Variants in SYNE1 observed in about 807,000 individuals in gnomAD.
The protein encoded by SYNE1 is spectrin repeat containing nuclear envelope protein 1.
Under a neutral mutation model 1,111.0 loss-of-function variants are expected in SYNE1, and 616 were observed. The observed-to-expected ratio is 0.55, with a 90% CI of 0.52 to 0.59. SYNE1 has a LOEUF of 0.59. Among genes scored for constraint, SYNE1 ranks in the 20% least tolerant of loss-of-function variants. The pLI, the probability that SYNE1 is intolerant of heterozygous loss-of-function variation, is 0.00. For synonymous variants in SYNE1, 3,855 were observed against 3,825.8 expected (o/e 1.01, Z -0.28); for missense variants, 10,006 against 10,417.0 (o/e 0.96, Z 1.72).
Position 152,294,071 on chromosome 6 carries a change from T to G in SYNE1, c.17739A>C (p.Lys5913Asn). Residue 5913 changes from lysine to asparagine, a missense_variant, in exon 94 of 146, where the codon AAA (lysine) becomes AAC (asparagine). By Grantham distance (94) the Lys-to-Asn change is moderately conservative (BLOSUM62 0). Around this residue, in one of 7 missense-constraint regions of SYNE1, gnomAD observed 4,955 missense variants for 5,017.2 expected, o/e 0.99. Transcript: ENST00000367255. ...GGGATGCGGATGTGCTGGGGTGAAT[T>G]TTTGCAGCATCTGTCTGCAACCTCT... ...SAERLQTDAA[K>N]IHPSTSASQE... 1.9e-6 allele frequency: 3 copies of G among 1,613,902 alleles called. No homozygotes were observed. Among genetic ancestry groups the G allele is most frequent in the Non-Finnish European group, 2.5e-6 (3 of 1,179,998 alleles).
chr6:152,544,429 T>C (rs1416956891), intron 3 of SYNE1, among the ~76,000 whole-genome samples: 1 of 152,144 alleles, frequency 6.6e-6, no homozygotes, highest in African/African-American at 2.4e-5. Context: ...TCACATTGCT[T>C]GTATTTCAAA....
chr6:152,600,212 C>A (rs1353817453), intron 3 of SYNE1, among the ~76,000 whole-genome samples: 1 of 152,054 alleles, frequency 6.6e-6, no homozygotes, highest in Non-Finnish European at 1.5e-5. Context: ...GGTGACGAAA[C>A]AAAACAACAG....
At chr6:152,249,130 T>C (rs2088339343) in intron 105 of SYNE1, 31 bp downstream of exon 105, 1 of 1,410,794 alleles carries the variant, frequency 7.1e-7, no homozygotes. Flanking sequence ...TCTATGCATT[T>C]TCTCTTCTAG....
intron 145 of SYNE1, chr6:152,125,480 C>T: frequency 3.2e-6 from 4 of 1,237,614 alleles, no homozygotes; most frequent in Non-Finnish European, 4.3e-6. Flanking sequence ...TCAGTTTTCT[C>T]ATTTGCAATG....
intron 64 of SYNE1, among the ~76,000 whole-genome samples, 155 bp from the exon 65 acceptor site, chr6:152,359,613 TGTGTGTGAATGCATGG>T (rs1223789323): frequency 6.6e-6 from 1 of 150,680 alleles, no homozygotes; most frequent in Non-Finnish European, 1.5e-5. Flanking sequence ...GACACAGATA[TGTGTGTGAATGCATGG>T]GTGTGTGTGT....
At chr6:152,628,189 C>A in intron 3 of SYNE1, 76 bp downstream of exon 3, 1 of 1,522,562 alleles carries the variant, frequency 6.6e-7, no homozygotes. Context: ...TTGAGTAAAA[C>A]CCCAAACAAA....
In SYNE1 at chr6:152,220,922, G is replaced by T. The variant is rs138032057; in HGVS notation, c.21781C>A (p.Arg7261=). 332 of 1,614,108 alleles carry T rather than the reference G, an allele frequency of 2.1e-4. 1 individual carries two copies. The African/African-American group carries it at 3.8e-3, about 18-fold the overall frequency. ...GCTGCCTTCAACAGCTCATTGGTTC[G>T]ATCCTCCTGCTGCTGAACTGTCGAA... ...CASTVQQQED[R]TNELLKAATN... The change falls in exon 119 of 146, where the codon CGA becomes AGA. Residue 7261 remains arginine, a synonymous_variant. Transcript: ENST00000367255.
chr6:152,590,712 G>T (rs558500693), intron 3 of SYNE1, among the ~76,000 whole-genome samples: 7 of 152,144 alleles, frequency 4.6e-5, no homozygotes, highest in African/African-American at 9.6e-5. Flanking sequence ...TTACCTTAAG[G>T]TTTCCCACCT....
chr6:152,191,225 T>C (rs1047216632), intron 127 of SYNE1, among the ~76,000 whole-genome samples: 37 of 131,440 alleles, frequency 2.8e-4, no homozygotes, highest in African/African-American at 1.1e-3. Flanking sequence ...TATTGTTCTA[T>C]AATTTTCCTT....
rs146316647 is a variant in SYNE1 at position 152,256,783 on chromosome 6, C to A, written c.18973-18G>T. The A allele has an allele frequency of 6.5e-5, 105 of 1,612,750 alleles. No individual in the cohort carries two copies. In the African/African-American group the frequency reaches 1.3e-3, roughly 20 times the overall value. On this transcript the variant is annotated intron_variant, in intron 101 of 145. Coordinates refer to ENST00000367255, the MANE Select transcript of SYNE1 (RefSeq NM_182961.4). ...CTATAAAGCTGTAGGCAAACAAAGG[C>A]AGCTTGTTGAAGAGCATATGCATTA...
At chr6:152,282,822 C>T (rs1393696363) in intron 96 of SYNE1, among the ~76,000 whole-genome samples, 2 of 151,838 alleles carry the variant, frequency 1.3e-5, no homozygotes, top group South Asian at 2.1e-4. Context: ...TGATTTTTGC[C>T]GTTACTTTTG....
chr6:152,490,867 T>C (rs2098966675), intron 11 of SYNE1, among the ~76,000 whole-genome samples: 1 of 152,188 alleles, frequency 6.6e-6, no homozygotes. Flanking sequence ...AGGAACATCT[T>C]ACCAATTTCA....
intron 11 of SYNE1, among the ~76,000 whole-genome samples, chr6:152,489,424 T>C (rs2098958153): frequency 1.3e-5 from 2 of 151,156 alleles, no homozygotes; most frequent in South Asian, 4.2e-4. Flanking sequence ...AATTCTGGCT[T>C]TGCCATGCAT....
intron 32 of SYNE1, among the ~76,000 whole-genome samples, chr6:152,440,841 C>A (rs766068353): frequency 5.3e-5 from 8 of 152,020 alleles, no homozygotes; most frequent in Non-Finnish European, 1.2e-4. Context: ...GCTGGGATTA[C>A]AGGAGTTGAG....
chr6:152,564,516 CA>C (rs1270587769), intron 3 of SYNE1, among the ~76,000 whole-genome samples: 2 of 152,034 alleles, frequency 1.3e-5, no homozygotes, highest in African/African-American at 4.8e-5. Context: ...GGGGTTTTGC[CA>C]TGTTGCCTAG....
At chr6:152,181,210 G>A (rs560291325) in intron 128 of SYNE1, among the ~76,000 whole-genome samples, 121 of 80,198 alleles carry the variant, frequency 1.5e-3, no homozygotes, top group Non-Finnish European at 2.8e-3. Flanking sequence ...TCAGGAGTTC[G>A]AAACCTGCGT....
chr6:152,220,472 T>A lies in SYNE1; in HGVS notation c.21861+370A>T, dbSNP rs543230637. On this transcript the variant is annotated intron_variant, in intron 119 of 145. Transcript: ENST00000367255. The stretch of plus-strand genomic sequence containing the variant: ...GTGTAGATGCTTACATAGGAGTTAA[T>A]GAATGTAAATGGACAACATCTGGAA... Among the ~76,000 whole-genome samples, 6 of 151,532 alleles carry A rather than the reference T, an allele frequency of 4.0e-5. No individual in the cohort carries two copies. The East Asian group carries it at 1.2e-3, about 29-fold the overall frequency.
At chr6:152,348,758 T>C (rs1326141825) in intron 72 of SYNE1, among the ~76,000 whole-genome samples, 1 of 149,240 alleles carries the variant, frequency 6.7e-6, no homozygotes, top group Non-Finnish European at 1.5e-5. Flanking sequence ...TTTTTTTTTT[T>C]CCTGTTATAT....
intron 40 of SYNE1, among the ~76,000 whole-genome samples, chr6:152,418,039 T>C (rs1409134463): frequency 8.5e-5 from 13 of 152,186 alleles, no homozygotes; most frequent in Non-Finnish European, 1.5e-5. Context: ...AAATAGAAAT[T>C]ATCACCTATC....
Sources: gnomAD v4.1 joint callset for allele counts (sites outside exome capture counted in the v4.1 genomes callset) on GRCh38, gnomAD v4.1.1 for gene constraint, gnomAD v4.1.1 regional missense constraint, MANE v1.5 for transcripts, NCBI Gene and HGNC (gene_info 2026-07-23, HGNC 2026-07-21) for gene names.